The following TMEM175 variants were observed in gnomAD, a reference collection of about 807,000 sequenced individuals.
The protein encoded by TMEM175 is endosomal/lysosomal proton channel TMEM175.
A neutral mutation model predicts 36.5 loss-of-function variants in TMEM175; 36 were observed. That is an observed-to-expected ratio of 0.99 (90% CI 0.76 to 1.30). The LOEUF (loss-of-function observed/expected upper bound fraction) is 1.30. TMEM175 is among the 50% of genes most tolerant of loss of function. TMEM175 has a pLI of 0.00. For synonymous variants in TMEM175, 339 were observed against 313.4 expected, an observed-to-expected ratio of 1.08 and a Z score of -0.86; for missense variants, 705 against 692.8, an observed-to-expected ratio of 1.02 and a Z score of -0.20.
chr4:945,029 G>C (rs780511550), intron 1 of TMEM175, among the ~76,000 whole-genome samples: 4 of 152,166 alleles, frequency 2.6e-5, no homozygotes, highest in Non-Finnish European at 5.9e-5. Flanking sequence ...CTTGAGCCTA[G>C]GAGGTCGAGG....
intron 1 of TMEM175, 55 bp from the exon 2 acceptor site, chr4:947,654 T>C: frequency 6.8e-7 from 1 of 1,464,648 alleles, no homozygotes; most frequent in South Asian, 1.3e-5. Context: ...TGAGGCTGCA[T>C]GGCCGACCTC....
chr4:947,938 C>T (rs980895981), intron 2 of TMEM175, 46 bp downstream of exon 2: 38 of 1,613,414 alleles, frequency 2.4e-5, no homozygotes, highest in East Asian at 4.5e-5. Context: ...CCGAGCCTCT[C>T]GAGGCACTGC....
rs781074586 is a variant in TMEM175, at chr4:958,013, G to T, written c.1032G>T (p.Leu344=). The stretch of plus-strand genomic sequence containing the variant: ...AGGCCACGCGGGCCATGGGGCTGCT[G>T]AACACGCTCTCGCTGGCCTTCGTGG... ...VRKATRAMGL[L]NTLSLAFVGG... is the part of the protein sequence containing the mutation. Residue 344 remains leucine (L), a synonymous_variant, in exon 11 of 11, where the codon CTG becomes CTT. Coordinates refer to ENST00000264771, the MANE Select transcript of TMEM175 (RefSeq NM_032326.4). The T allele has an allele frequency of 2.2e-5, 35 of 1,612,336 alleles. No individual in the cohort carries two copies. Among genetic ancestry groups the T allele is most frequent in the Non-Finnish European group, 2.9e-5 (34 of 1,179,806 alleles).
rs1456867537 is a variant in TMEM175 at position 953,289 on chromosome 4, A to G, written c.562A>G (p.Ile188Val). The change falls in exon 8 of 11, where the codon ATC (isoleucine) becomes GTC (valine). Residue 188 changes from isoleucine (I) to valine (V), a missense_variant. By Grantham distance (29) the Ile-to-Val change is conservative (BLOSUM62 3). Transcript: ENST00000264771. Reference protein sequence around the residue: ...RALYRRHVLGIVLQGPALCFA... With the variant: ...RALYRRHVLGVVLQGPALCFA... Reference sequence around the variant, plus strand: ...TCTGTACCGACGACACGTCCTGGGCATCGTCCTCCAAGGCCCGGCCCTGTG... The same window carrying G: ...TCTGTACCGACGACACGTCCTGGGCGTCGTCCTCCAAGGCCCGGCCCTGTG... 1 of 1,614,034 alleles carries G rather than the reference A, an allele frequency of 6.2e-7. No homozygotes were observed. Among genetic ancestry groups the G allele is most frequent in the Admixed American group, 1.7e-5 (1 of 60,010 alleles).
rs768614616 is a variant in TMEM175 at position 955,434 on chromosome 4, C to T, written c.657C>T (p.Leu219=). The change falls in exon 9 of 11, where the codon CTC becomes CTT. Residue 219 remains leucine, a synonymous_variant. Transcript: ENST00000264771. ...ACCTGCTGATGGTGACTGTCATCCT[C>T]CTCCCCTATGTCAGCAAGGTCACCG... ...LSYLLMVTVI[L]LPYVSKVTGW... 50 of 1,614,054 alleles carry T rather than the reference C, an allele frequency of 3.1e-5. No individual in the cohort carries two copies. Among genetic ancestry groups the T allele is most frequent in the African/African-American group, 4.0e-5 (3 of 74,946 alleles).
At chr4:953,052 G>A (rs375983901) in intron 7 of TMEM175, 138 bp from the exon 8 acceptor site, 44 of 830,060 alleles carry the variant, frequency 5.3e-5, no homozygotes, top group African/African-American at 2.8e-4. Flanking sequence ...CCCTGTGCGC[G>A]CGTGCCATGC....
At position 945,190 on chromosome 4, in the gene TMEM175, G is replaced by T. The variant is rs544951719; in HGVS notation, c.-31-2519G>T. Among the ~76,000 whole-genome samples the T allele has an allele frequency of 5.2e-4, 79 of 152,350 alleles. 1 individual carries two copies. Among genetic ancestry groups the T allele is most frequent in the African/African-American group, 1.7e-3 (70 of 41,572 alleles). On this transcript the variant is annotated intron_variant, in intron 1 of 10. Coordinates refer to ENST00000264771, the MANE Select transcript of TMEM175 (RefSeq NM_032326.4). ...AGTCCCAGTGAGACTGCCTGGAATG[G>T]ACCCTTGGAGGGTATGGCACTACAC...
chr4:942,215 T>C (rs1284193535), intron 1 of TMEM175, among the ~76,000 whole-genome samples: 5 of 151,836 alleles, frequency 3.3e-5, no homozygotes, highest in Admixed American at 6.6e-5. Flanking sequence ...TACAGGCACG[T>C]GCAACCATGC....
Position 947,886 on chromosome 4 carries a change from C to T in TMEM175, c.147C>T (p.Thr49=), listed in dbSNP as rs759737856. 28 of 1,613,828 alleles carry T rather than the reference C, an allele frequency of 1.7e-5. No individual in the cohort carries two copies. The Middle Eastern group carries it at 4.9e-4, about 29-fold the overall frequency. The change falls in exon 2 of 11, where the codon ACC becomes ACT. Residue 49 remains threonine (T), a synonymous_variant. Coordinates refer to ENST00000264771, the MANE Select transcript of TMEM175 (RefSeq NM_032326.4). ...ACGCCCTGCTGTCCATCATCGCCAC[C>T]GTCATGGTCTGTACGGGGCCCCTGC... The part of the protein sequence containing the change: ...FSDALLSIIA[T]VMILPVTHTE...
At chr4:946,929 G>T (rs1350603426) in intron 1 of TMEM175, among the ~76,000 whole-genome samples, 1 of 131,802 alleles carries the variant, frequency 7.6e-6, no homozygotes, top group East Asian at 2.4e-4. Context: ...GTGCACAGGC[G>T]CCGAGACCGA....
At position 958,581 on chromosome 4, in the gene TMEM175, G is replaced by C; in HGVS notation, c.*85G>C. 1 of 1,162,530 alleles carries C rather than the reference G, an allele frequency of 8.6e-7. No individual in the cohort carries two copies. Among genetic ancestry groups the C allele is most frequent in the Non-Finnish European group, 1.2e-6 (1 of 851,032 alleles). 72.0% of individuals were successfully genotyped at this position (1,162,530 alleles called of 1,614,324 possible). Reference sequence around the variant, plus strand: ...CTGGGCAGGGGAAGCCAAGTCACGGGCAGGCCGCAGTGGTTCTTGCGTGGC... The same window carrying C: ...CTGGGCAGGGGAAGCCAAGTCACGGCCAGGCCGCAGTGGTTCTTGCGTGGC... On this transcript the variant is annotated 3_prime_UTR_variant, in exon 11 of 11. Transcript: ENST00000264771.
rs1577466696 is a variant in TMEM175, at chr4:958,632, T to C, written c.*136T>C. 15 of 704,756 alleles carry C rather than the reference T, an allele frequency of 2.1e-5. No individual in the cohort carries two copies. The East Asian group carries it at 4.3e-4, about 20-fold the overall frequency. 43.7% of individuals were successfully genotyped at this position (704,756 alleles called of 1,614,324 possible). On this transcript the variant is annotated 3_prime_UTR_variant, in exon 11 of 11. Coordinates refer to ENST00000264771, the MANE Select transcript of TMEM175 (RefSeq NM_032326.4). ...CTGGTTTTATTTTCATTGTGAAATA[T>C]CATGCTCTTATTTCAGTCCTCAAAT... is the stretch of plus-strand genomic sequence containing the variant.
At chr4:938,112 C>T (rs948589561) in intron 1 of TMEM175, among the ~76,000 whole-genome samples, 6 of 152,182 alleles carry the variant, frequency 3.9e-5, no homozygotes, top group African/African-American at 1.4e-4. Context: ...TGAATGTTTT[C>T]CCCCTAAGAC....
intron 1 of TMEM175, among the ~76,000 whole-genome samples, chr4:936,269 C>T (rs150140402): frequency 0.014 from 2,019 of 149,092 alleles, 41 homozygotes; most frequent in African/African-American, 0.047. Context: ...TGCTTGAACC[C>T]GGGAGGTGGA....
chr4:935,569 T>C (rs1726696324), intron 1 of TMEM175, among the ~76,000 whole-genome samples: 2 of 152,206 alleles, frequency 1.3e-5, no homozygotes, highest in South Asian at 2.1e-4. Flanking sequence ...AAATCACAAT[T>C]GTAGTTGGAG....
At chr4:950,715 A>ATGGTG in intron 4 of TMEM175, among the ~76,000 whole-genome samples, 197 bp downstream of exon 4, 1 of 147,972 alleles carries the variant, frequency 6.8e-6, no homozygotes, top group Admixed American at 6.7e-5. Flanking sequence ...GGAGGTGTGG[A>ATGGTG]CGGTGCAGTA....
At chr4:944,970 G>A (rs1295099818) in intron 1 of TMEM175, among the ~76,000 whole-genome samples, 2 of 152,144 alleles carry the variant, frequency 1.3e-5, no homozygotes, top group African/African-American at 4.8e-5. Context: ...AGGCTTGGTG[G>A]TGCACGCCTG....
intron 10 of TMEM175, among the ~76,000 whole-genome samples, chr4:957,067 G>A (rs1236304710): frequency 1.3e-5 from 2 of 152,340 alleles, no homozygotes; most frequent in East Asian, 3.9e-4. Context: ...GTGGGGCCGG[G>A]ACAGTGACCT....
chr4:936,945 G>A (rs1475038654), intron 1 of TMEM175, among the ~76,000 whole-genome samples: 8 of 151,494 alleles, frequency 5.3e-5, no homozygotes, highest in African/African-American at 1.9e-4. Flanking sequence ...GACACAGTAG[G>A]ACTCTGTCTC....
Sources: gnomAD v4.1 joint callset for allele counts (sites outside exome capture counted in the v4.1 genomes callset) on GRCh38, gnomAD v4.1.1 for gene constraint, MANE v1.5 for transcripts, NCBI Gene and HGNC (gene_info 2026-07-23, HGNC 2026-07-21) for gene names.